The following PARVA variants were observed in gnomAD, a reference collection of about 807,000 sequenced individuals.
PARVA encodes the protein alpha-parvin.
In PARVA, 25 loss-of-function variants were observed where a neutral mutation model predicts 52.6. The ratio of observed to expected loss-of-function variants is 0.48; its 90% CI spans 0.35 to 0.66. PARVA has a LOEUF of 0.66. PARVA is among the 30% of genes least tolerant of loss of function. The pLI, the probability that PARVA is intolerant of heterozygous loss-of-function variation, is 0.01. For synonymous variants in PARVA, 185 were observed against 179.1 expected (o/e 1.03, Z -0.26); for missense variants, 373 against 450.9 (o/e 0.83, Z 1.56).
intron 1 of PARVA, among the ~76,000 whole-genome samples, chr11:12,465,369 T>C (rs1040940973): frequency 6.6e-6 from 1 of 152,194 alleles, no homozygotes. Flanking sequence ...TTAGCCTCCA[T>C]AACTGTAAGA....
chr11:12,513,450 C>A, intron 9 of PARVA, 90 bp downstream of exon 9: 1 of 1,164,496 alleles, frequency 8.6e-7, no homozygotes, highest in Non-Finnish European at 1.3e-6. Flanking sequence ...GAGCTTCCTG[C>A]CAGAACTGGT....
chr11:12,476,195 A>T (rs1941011900), intron 3 of PARVA, among the ~76,000 whole-genome samples: 1 of 152,098 alleles, frequency 6.6e-6, no homozygotes, highest in African/African-American at 2.4e-5. Context: ...AGGATTGGAG[A>T]TGCACATAGG....
At chr11:12,435,920 T>C (rs11825314) in intron 1 of PARVA, among the ~76,000 whole-genome samples, 1 of 152,040 alleles carries the variant, frequency 6.6e-6, no homozygotes, top group South Asian at 2.1e-4. Flanking sequence ...CGGGTTCAAG[T>C]TTCCGGATTC....
Position 12,518,742 on chromosome 11 carries a change from C to T in PARVA, c.1042+225C>T, listed in dbSNP as rs545828490. Among the ~76,000 whole-genome samples the T allele has an allele frequency of 5.9e-5, 9 of 152,296 alleles. No homozygotes were observed. The East Asian group carries it at 1.5e-3, about 26-fold the overall frequency. The stretch of plus-strand genomic sequence containing the variant: ...CCCACACATGCCATGCGTGGGATCG[C>T]GGGGATCAGGGACCGAGCAGAACTG... On this transcript the variant is annotated intron_variant, in intron 12 of 12. Coordinates refer to ENST00000334956, the MANE Select transcript of PARVA (RefSeq NM_018222.5).
At chr11:12,385,579 A>AC (rs1352033216) in intron 1 of PARVA, among the ~76,000 whole-genome samples, 12 of 152,166 alleles carry the variant, frequency 7.9e-5, no homozygotes, top group African/African-American at 2.9e-4. Context: ...GAGGTCAGCA[A>AC]CTTTTTCTGA....
At position 12,419,095 on chromosome 11, in the gene PARVA, A is replaced by G. The variant is rs1333481453; in HGVS notation, c.136+41312A>G. Among the ~76,000 whole-genome samples the G allele has an allele frequency of 2.0e-5, 3 of 152,212 alleles. No individual in the cohort carries two copies. In the East Asian group the frequency reaches 5.8e-4, roughly 29 times the overall value. On this transcript the variant is annotated intron_variant, in intron 1 of 12. Transcript: ENST00000334956. Reference sequence around the variant, plus strand: ...CTTTTTTAAAATTTTTTGGTTTTAAAAAAGTCTTTCCAGCCATCTTAAAAA... The same window carrying G: ...CTTTTTTAAAATTTTTTGGTTTTAAGAAAGTCTTTCCAGCCATCTTAAAAA...
At chr11:12,470,797 T>A (rs1218683682) in intron 1 of PARVA, among the ~76,000 whole-genome samples, 1 of 152,130 alleles carries the variant, frequency 6.6e-6, no homozygotes, top group Non-Finnish European at 1.5e-5. Flanking sequence ...ACAAGAAAGC[T>A]TGAAGTGGGA....
At chr11:12,429,265 T>A (rs7118604) in intron 1 of PARVA, among the ~76,000 whole-genome samples, 68,706 of 151,994 alleles carry the variant, frequency 0.45, 17,899 homozygotes, top group South Asian at 0.61. Context: ...TGAGCCACCA[T>A]GCCTGGCTCA....
chr11:12,496,307 G>T, intron 4 of PARVA, 151 bp from the exon 5 acceptor site: 1 of 692,772 alleles, frequency 1.4e-6, no homozygotes, highest in Non-Finnish European at 2.4e-6. Flanking sequence ...GGACAGCAGT[G>T]TCCCTCTGCT....
intron 1 of PARVA, among the ~76,000 whole-genome samples, chr11:12,466,217 G>C (rs1250894141): frequency 6.6e-6 from 1 of 151,902 alleles, no homozygotes; most frequent in African/African-American, 2.4e-5. Context: ...TTATCAGATA[G>C]GTATTTTGCA....
chr11:12,490,262 G>A (rs1285558563), intron 4 of PARVA, among the ~76,000 whole-genome samples: 3 of 146,582 alleles, frequency 2.0e-5, no homozygotes, highest in South Asian at 2.1e-4. Context: ...AGTGACTCAC[G>A]CCTGTAATCC....
At chr11:12,399,330 A>G (rs114039924) in intron 1 of PARVA, among the ~76,000 whole-genome samples, 3,089 of 152,296 alleles carry the variant, frequency 0.02, 116 homozygotes, top group African/African-American at 0.071. Context: ...GCAGAGGGGC[A>G]GTTCTTTTTT....
chr11:12,452,154 T>TGCAAGCGGAAACA (rs895778796), intron 1 of PARVA, among the ~76,000 whole-genome samples: 7 of 151,998 alleles, frequency 4.6e-5, no homozygotes, highest in African/African-American at 1.7e-4. Flanking sequence ...CTGCCTTATA[T>TGCAAGCGGAAACA]GCAAGCGGAA....
intron 1 of PARVA, among the ~76,000 whole-genome samples, chr11:12,436,264 A>G (rs994471326): frequency 9.2e-5 from 14 of 152,264 alleles, no homozygotes; most frequent in African/African-American, 3.4e-4. Context: ...TAGACTAATT[A>G]TAAACCTGAC....
chr11:12,403,124 T>G (rs1195975774), intron 1 of PARVA, among the ~76,000 whole-genome samples: 21 of 152,238 alleles, frequency 1.4e-4, no homozygotes. Context: ...TGTCCCCTCT[T>G]CTCAGTCTCC....
At chr11:12,413,262 T>G (rs976592909) in intron 1 of PARVA, among the ~76,000 whole-genome samples, 3 of 152,214 alleles carry the variant, frequency 2.0e-5, no homozygotes, top group Non-Finnish European at 2.9e-5. Flanking sequence ...TCTGTCCAGC[T>G]TCAAGATCTG....
intron 1 of PARVA, among the ~76,000 whole-genome samples, chr11:12,463,650 C>A (rs1940813741): frequency 2.0e-5 from 3 of 152,178 alleles, no homozygotes; most frequent in African/African-American, 7.2e-5. Context: ...CCTTCCTATA[C>A]AGTACTCTTT....
chr11:12,527,599 T>C (rs1941720133), intron 12 of PARVA, among the ~76,000 whole-genome samples: 1 of 152,154 alleles, frequency 6.6e-6, no homozygotes, highest in Admixed American at 6.5e-5. Flanking sequence ...TTGGAGGCAG[T>C]GGGCAAAGAG....
chr11:12,407,556 G>T (rs1939930499), intron 1 of PARVA, among the ~76,000 whole-genome samples: 1 of 152,122 alleles, frequency 6.6e-6, no homozygotes, highest in African/African-American at 2.4e-5. Flanking sequence ...TTCACTATGG[G>T]GACATGGGAG....
Sources: allele counts gnomAD v4.1 joint callset (sites outside exome capture counted in the v4.1 genomes callset), GRCh38; gene constraint gnomAD v4.1.1; transcripts MANE v1.5; gene names NCBI Gene and HGNC (gene_info 2026-07-23, HGNC 2026-07-21).